The following SPHKAP variants were observed in gnomAD, a reference collection of about 807,000 sequenced individuals.
SPHKAP encodes the protein SPHK1 interactor, AKAP domain containing.
A neutral mutation model predicts 137.5 loss-of-function variants in SPHKAP; 67 were observed. The observed-to-expected ratio is 0.49, with a 90% CI of 0.40 to 0.60. The LOEUF (loss-of-function observed/expected upper bound fraction) is 0.60, where lower values mean the gene tolerates loss of function less well. SPHKAP is among the 20% of genes least tolerant of loss of function. The probability of loss-of-function intolerance (pLI) is 0.00; values close to 1 mark genes in which losing one functional copy is unlikely to be tolerated. For synonymous variants in SPHKAP, 813 were observed against 785.3 expected (o/e 1.04, Z -0.59); for missense variants, 2,097 against 2,069.3 (o/e 1.01, Z -0.26).
chr2:227,999,913 C>T (rs905517748), intron 7 of SPHKAP, among the ~76,000 whole-genome samples: 10 of 152,186 alleles, frequency 6.6e-5, no homozygotes, highest in African/African-American at 2.2e-4. Context: ...AATCTAATCT[C>T]TCAGTTGGCA....
At chr2:228,124,177 A>G (rs1414227022) in intron 2 of SPHKAP, among the ~76,000 whole-genome samples, 1 of 152,216 alleles carries the variant, frequency 6.6e-6, no homozygotes, top group African/African-American at 2.4e-5. Flanking sequence ...TCAGTGTGGC[A>G]GTTCCTCAGG....
At chr2:228,175,241 G>A (rs915364820) in intron 1 of SPHKAP, among the ~76,000 whole-genome samples, 1 of 151,914 alleles carries the variant, frequency 6.6e-6, no homozygotes, top group Admixed American at 6.6e-5. Flanking sequence ...GTTAATACTA[G>A]GCAGAAACTT....
At chr2:228,009,458 GAT>G (rs1694279745) in intron 7 of SPHKAP, among the ~76,000 whole-genome samples, 1 of 152,120 alleles carries the variant, frequency 6.6e-6, no homozygotes, top group Non-Finnish European at 1.5e-5. Flanking sequence ...ATTTATAAGA[GAT>G]ATTTAATTTC....
chr2:228,111,764 G>A (rs2106351238), intron 2 of SPHKAP, among the ~76,000 whole-genome samples: 1 of 152,196 alleles, frequency 6.6e-6, no homozygotes, highest in East Asian at 1.9e-4. Context: ...GTCTCAGAGA[G>A]ATATGAATTT....
rs983759671 is a variant in SPHKAP at position 227,981,507 on chromosome 2, C to T, written c.*210G>A. 9 of 438,278 alleles carry T rather than the reference C, an allele frequency of 2.1e-5. No homozygotes were observed. Among genetic ancestry groups the T allele is most frequent in the South Asian group, 1.1e-4 (2 of 18,424 alleles). The allele number at this position is 438,278 out of a possible 1,614,324, so 27.1% of individuals were successfully genotyped here. ...CCCTTCTAATCCAAGCTCTTTGGAA[C>T]TCACCCACAAGTTGTATGAATTTGG... is the stretch of plus-strand genomic sequence containing the variant. On this transcript the variant is annotated 3_prime_UTR_variant, in exon 12 of 12. Transcript: ENST00000392056.
At chr2:227,989,818 T>C (rs1693351092) in intron 11 of SPHKAP, among the ~76,000 whole-genome samples, 1 of 151,542 alleles carries the variant, frequency 6.6e-6, no homozygotes, top group Admixed American at 6.6e-5. Flanking sequence ...GGTTTCACCA[T>C]GTTGGTCAGG....
chr2:228,176,491 A>G (rs1384407199), intron 1 of SPHKAP, among the ~76,000 whole-genome samples: 1 of 152,246 alleles, frequency 6.6e-6, no homozygotes, highest in African/African-American at 2.4e-5. Context: ...CAGCACATCC[A>G]GGAGGAGGCA....
In SPHKAP at chr2:228,001,529, A is replaced by G. The variant is rs552928342; in HGVS notation, c.4449-5835T>C. On this transcript the variant is annotated intron_variant, in intron 7 of 11. Transcript: ENST00000392056. ...TACGTATATATAAGAATATATATAC[A>G]TATATATAAAAATATACATATATAT... 5.6e-3 allele frequency among the ~76,000 whole-genome samples: 810 copies of G among 144,648 alleles called. 3 individuals carry two copies. The highest frequency in any genetic ancestry group is 0.019 in the African/African-American group (760 of 39,276). The allele number at this position is 144,648 out of a possible 152,430, so 94.9% of individuals were successfully genotyped here. A position where few individuals can be genotyped will look rare whatever the true frequency, so the allele number is the denominator to read the frequency against.
intron 1 of SPHKAP, among the ~76,000 whole-genome samples, chr2:228,165,171 A>G (rs1700388072): frequency 6.7e-6 from 1 of 149,676 alleles, no homozygotes; most frequent in Non-Finnish European, 1.5e-5. Flanking sequence ...TTTTTTACCC[A>G]TCTCACAGGC....
intron 3 of SPHKAP, among the ~76,000 whole-genome samples, chr2:228,108,032 T>A (rs1229605159): frequency 1.3e-5 from 2 of 152,176 alleles, no homozygotes; most frequent in Admixed American, 6.5e-5. Flanking sequence ...TCAGCTTCCT[T>A]TTTTGTTTCT....
At chr2:228,001,425 A>G (rs963692808) in intron 7 of SPHKAP, among the ~76,000 whole-genome samples, 5 of 140,712 alleles carry the variant, frequency 3.6e-5, no homozygotes, top group Middle Eastern at 3.9e-3. Flanking sequence ...ATAAATATAT[A>G]CATATATAAA....
rs117706053 is a variant in SPHKAP at position 228,075,574 on chromosome 2, C to T, written c.246+33258G>A. ...ATTAGGGCTTATAGGACTAAAAATACTGTTAGTAATTACAGTTTAGAGAAA... is the reference window on the plus strand; with the variant it reads ...ATTAGGGCTTATAGGACTAAAAATATTGTTAGTAATTACAGTTTAGAGAAA... On this transcript the variant is annotated intron_variant, in intron 3 of 11. Transcript: ENST00000392056. 3.4e-4 allele frequency among the ~76,000 whole-genome samples: 51 copies of T among 152,150 alleles called. No homozygotes were observed. In the East Asian group the frequency reaches 6.2e-3, roughly 18 times the overall value.
intron 3 of SPHKAP, among the ~76,000 whole-genome samples, chr2:228,089,779 G>A (rs1029430234): frequency 1.3e-5 from 2 of 152,188 alleles, no homozygotes; most frequent in African/African-American, 4.8e-5. Context: ...CTGCTTTGGA[G>A]AATGTAAGCT....
At chr2:228,061,048 T>C (rs1696615010) in intron 3 of SPHKAP, among the ~76,000 whole-genome samples, 1 of 152,146 alleles carries the variant, frequency 6.6e-6, no homozygotes, top group Non-Finnish European at 1.5e-5. Context: ...TGCTTTGAAC[T>C]ACTCCATTTC....
At chr2:228,131,314 C>T in intron 2 of SPHKAP, 10 of 985,008 alleles carry the variant, frequency 1.0e-5, no homozygotes, top group Non-Finnish European at 1.2e-5. Context: ...CATATACTTC[C>T]CTGGAATTCA....
rs368196323 is a variant in SPHKAP, at chr2:228,016,885, G to T, written c.3969C>A (p.Ile1323=). Residue 1323 remains isoleucine, a synonymous_variant, in exon 7 of 12, where the codon ATC becomes ATA. Coordinates refer to ENST00000392056, the MANE Select transcript of SPHKAP (RefSeq NM_001142644.2). ...SIEALMRKNK[I]IVDDAEEADT... ...CAGCTTCCTCTGCATCATCCACAATGATTTTGTTCTTGCGCATGAGAGCCT... is the reference window on the plus strand; with the variant it reads ...CAGCTTCCTCTGCATCATCCACAATTATTTTGTTCTTGCGCATGAGAGCCT... 2 of 1,614,062 alleles carry T rather than the reference G, an allele frequency of 1.2e-6. No homozygotes were observed.
chr2:228,115,835 C>A (rs747995030), intron 2 of SPHKAP, among the ~76,000 whole-genome samples: 5 of 152,098 alleles, frequency 3.3e-5, no homozygotes, highest in Non-Finnish European at 5.9e-5. Flanking sequence ...CCCACCCCAC[C>A]AACTCATAGG....
Position 228,019,379 on chromosome 2 carries a change from G to T in SPHKAP, c.1475C>A (p.Pro492His). The change falls in exon 7 of 12, where the codon CCC becomes CAC. Residue 492 changes from proline to histidine, a missense_variant. Coordinates refer to ENST00000392056, the MANE Select transcript of SPHKAP (RefSeq NM_001142644.2). ...ILSGENSSRQ[P>H]QSALEVALAC... The stretch of plus-strand genomic sequence containing the variant: ...TAACGCCACTTCTAGAGCACTCTGG[G>T]GTTGTCTGCTGGAGTTCTCTCCAGA... 4 of 1,614,184 alleles carry T rather than the reference G, an allele frequency of 2.5e-6. No homozygotes were observed. The highest frequency in any genetic ancestry group is 3.4e-6 in the Non-Finnish European group (4 of 1,180,040).
intron 3 of SPHKAP, among the ~76,000 whole-genome samples, chr2:228,080,903 G>A (rs1697347591): frequency 6.6e-6 from 1 of 152,078 alleles, no homozygotes; most frequent in Non-Finnish European, 1.5e-5. Flanking sequence ...CACAGTTGTT[G>A]GGAATGTACA....
Sources: allele counts gnomAD v4.1 joint callset (sites outside exome capture counted in the v4.1 genomes callset), GRCh38; gene constraint gnomAD v4.1.1; transcripts MANE v1.5; gene names NCBI Gene and HGNC (gene_info 2026-07-23, HGNC 2026-07-21).